Variants in PXDNL observed in about 807,000 individuals in gnomAD.
PXDNL encodes peroxidasin like, also known as probable oxidoreductase PXDNL.
Under a neutral mutation model 150.8 loss-of-function variants are expected in PXDNL, and 145 were observed. That is an observed-to-expected ratio of 0.96 (90% CI 0.84 to 1.10). The LOEUF (loss-of-function observed/expected upper bound fraction) is 1.10. PXDNL is among the 50% of genes least tolerant of loss of function. The probability of loss-of-function intolerance (pLI) is 0.00; values close to 1 mark genes in which losing one functional copy is unlikely to be tolerated. For missense variants in PXDNL, 2,087 were observed against 1,873.9 expected, an observed-to-expected ratio of 1.11 and a Z score of -2.10; for synonymous variants, 757 against 725.7, an observed-to-expected ratio of 1.04 and a Z score of -0.69.
intron 17 of PXDNL, among the ~76,000 whole-genome samples, chr8:51,387,327 C>A (rs1417940142): frequency 1.3e-5 from 2 of 152,300 alleles, no homozygotes; most frequent in East Asian, 3.9e-4. Context: ...GGTAATAGAG[C>A]CATGTTTTGT....
chr8:51,484,708 TAGG>T (rs2130179053), intron 5 of PXDNL, among the ~76,000 whole-genome samples: 1 of 151,866 alleles, frequency 6.6e-6, no homozygotes, highest in Non-Finnish European at 1.5e-5. Flanking sequence ...GTGGCGGGAG[TAGG>T]AGAAGATCCA....
intron 2 of PXDNL, among the ~76,000 whole-genome samples, chr8:51,596,735 C>A (rs1399681438): frequency 2.6e-5 from 4 of 151,210 alleles, no homozygotes; most frequent in Non-Finnish European, 5.9e-5. Flanking sequence ...TGTCCTTTGC[C>A]CATTTTTATT....
chr8:51,428,840 A>C (rs112740366), intron 12 of PXDNL, among the ~76,000 whole-genome samples: 1,967 of 152,300 alleles, frequency 0.013, 48 homozygotes, highest in African/African-American at 0.045. Flanking sequence ...AAAAAATGAT[A>C]ATCAGGATTT....
At chr8:51,411,622 T>C (rs992180370) in intron 15 of PXDNL, among the ~76,000 whole-genome samples, 1 of 152,142 alleles carries the variant, frequency 6.6e-6, no homozygotes, top group African/African-American at 2.4e-5. Context: ...AACTCAAAAA[T>C]ATATATTTTT....
Position 51,577,923 on chromosome 8 carries a change from A to AAAGAAAGAAAG in PXDNL, c.308+14703_308+14704insCTTTCTTTCTT, listed in dbSNP as rs1491355873. On this transcript the variant is annotated intron_variant, in intron 3 of 22. Transcript: ENST00000356297. ...AGAAAGAAAGAGAAAGAAAAGAAAG[A>AAAGAAAGAAAG]AAAGAAAGAAAGAAAGAAAGAAAGA... Among the ~76,000 whole-genome samples the AAAGAAAGAAAG allele has an allele frequency of 2.6e-4, 11 of 42,400 alleles. 3 individuals are homozygous for AAAGAAAGAAAG. The highest frequency in any genetic ancestry group is 9.8e-4 in the African/African-American group (11 of 11,232). The allele number at this position is 42,400 out of a possible 152,430, so 27.8% of individuals were successfully genotyped here.
intron 5 of PXDNL, among the ~76,000 whole-genome samples, chr8:51,493,924 A>G (rs985543514): frequency 1.3e-5 from 2 of 152,222 alleles, no homozygotes; most frequent in African/African-American, 4.8e-5. Flanking sequence ...CAGGAAATAC[A>G]GAGAACGCCA....
chr8:51,472,380 T>G, intron 7 of PXDNL, 76 bp from the exon 8 acceptor site: 1 of 1,058,362 alleles, frequency 9.4e-7, no homozygotes, highest in East Asian at 2.4e-5. Flanking sequence ...GAAAGAGATA[T>G]AGGCAATTTA....
At chr8:51,715,553 T>C (rs999384448) in intron 1 of PXDNL, among the ~76,000 whole-genome samples, 3 of 152,192 alleles carry the variant, frequency 2.0e-5, no homozygotes, top group African/African-American at 7.2e-5. Flanking sequence ...CTCTGATTCT[T>C]AGCTTCTCCA....
chr8:51,489,016 A>T lies in PXDNL; in HGVS notation c.453-5302T>A, dbSNP rs576541471. ...ATCTCTTAGGAATTAAACTCTGATT[A>T]AAAAATGTTTTTATGTAGTAAATGT... On this transcript the variant is annotated intron_variant, in intron 5 of 22. Coordinates refer to ENST00000356297, the MANE Select transcript of PXDNL (RefSeq NM_144651.5). 1.5e-3 allele frequency among the ~76,000 whole-genome samples: 223 copies of T among 152,324 alleles called. 4 individuals carry two copies. The highest frequency in any genetic ancestry group is 5.1e-3 in the African/African-American group (211 of 41,590).
intron 2 of PXDNL, among the ~76,000 whole-genome samples, chr8:51,613,404 T>A (rs1055655853): frequency 7.2e-6 from 1 of 138,916 alleles, no homozygotes; most frequent in Non-Finnish European, 1.5e-5. Context: ...ACAGGCAGTA[T>A]CTGAAGACAA....
intron 17 of PXDNL, among the ~76,000 whole-genome samples, chr8:51,402,889 C>T (rs569710271): frequency 3.2e-4 from 45 of 142,724 alleles, no homozygotes; most frequent in Non-Finnish European, 6.4e-4. Flanking sequence ...GGTAAAACCC[C>T]GTCTCTACTA....
intron 12 of PXDNL, among the ~76,000 whole-genome samples, chr8:51,428,799 A>C (rs1809176856): frequency 6.6e-6 from 1 of 152,144 alleles, no homozygotes; most frequent in Admixed American, 6.5e-5. Flanking sequence ...AAGTTCTTTG[A>C]CTTTGCATAA....
At chr8:51,765,517 CTTAT>C (rs1418632852) in intron 1 of PXDNL, among the ~76,000 whole-genome samples, 1 of 152,156 alleles carries the variant, frequency 6.6e-6, no homozygotes, top group African/African-American at 2.4e-5. Context: ...TTCCTTTCAA[CTTAT>C]TTGTGTCTTT....
chr8:51,778,499 G>A (rs528967575), intron 1 of PXDNL, among the ~76,000 whole-genome samples: 3 of 152,060 alleles, frequency 2.0e-5, no homozygotes, highest in East Asian at 1.9e-4. Flanking sequence ...GACATAATTC[G>A]CTAATAGAGT....
intron 17 of PXDNL, among the ~76,000 whole-genome samples, chr8:51,397,744 T>A (rs996530815): frequency 6.6e-6 from 1 of 152,112 alleles, no homozygotes; most frequent in Non-Finnish European, 1.5e-5. Context: ...CAGGTCTAAG[T>A]AGGGAGAGGC....
intron 3 of PXDNL, among the ~76,000 whole-genome samples, chr8:51,559,301 A>G (rs1812663603): frequency 6.7e-6 from 1 of 149,550 alleles, no homozygotes; most frequent in Admixed American, 6.8e-5. Context: ...TGATGTGCTG[A>G]AAGTTTGGCT....
At chr8:51,333,359 G>A (rs1324322808) in intron 21 of PXDNL, among the ~76,000 whole-genome samples, 1 of 152,068 alleles carries the variant, frequency 6.6e-6, no homozygotes, top group African/African-American at 2.4e-5. Context: ...ACAAATCCTG[G>A]CAACACATCA....
At chr8:51,631,103 A>C (rs1287158065) in intron 2 of PXDNL, among the ~76,000 whole-genome samples, 5 of 152,334 alleles carry the variant, frequency 3.3e-5, no homozygotes, top group Non-Finnish European at 7.3e-5. Context: ...TGCAACCATT[A>C]AAAAGAATGA....
intron 2 of PXDNL, among the ~76,000 whole-genome samples, chr8:51,613,487 G>C (rs545531452): frequency 2.1e-4 from 19 of 89,452 alleles, no homozygotes; most frequent in South Asian, 6.1e-4. Flanking sequence ...AAGGGGGCGG[G>C]GGGGGGGCAG....
Sources: gnomAD v4.1 joint callset for allele counts (sites outside exome capture counted in the v4.1 genomes callset) on GRCh38, gnomAD v4.1.1 for gene constraint, MANE v1.5 for transcripts, NCBI Gene and HGNC (gene_info 2026-07-23, HGNC 2026-07-21) for gene names.